The following SLC35F5 variants were observed in gnomAD, a reference collection of about 807,000 sequenced individuals.
SLC35F5 encodes the protein solute carrier family 35 member F5.
A neutral mutation model predicts 68.6 loss-of-function variants in SLC35F5; 54 were observed. The ratio of observed to expected loss-of-function variants is 0.79; its 90% confidence interval spans 0.63 to 0.99. The LOEUF is 0.99. Ranked by LOEUF, SLC35F5 falls within the 50% of genes least tolerant of loss-of-function variation. SLC35F5 has a pLI of 0.00. For missense variants in SLC35F5, 567 were observed against 626.9 expected (o/e 0.90, Z 1.02); for synonymous variants, 211 against 205.2 (o/e 1.03, Z -0.24).
At chr2:113,725,251 A>C in intron 12 of SLC35F5, 127 bp downstream of exon 12, 1 of 792,256 alleles carries the variant, frequency 1.3e-6, no homozygotes. Flanking sequence ...GAGTTAAAGT[A>C]TTCAGTTGTA....
chr2:113,755,840 C>G, intron 1 of SLC35F5: 1 of 1,548,830 alleles, frequency 6.5e-7, no homozygotes, highest in Non-Finnish European at 8.7e-7. Flanking sequence ...TTCACAAATA[C>G]GGAACTCCAT....
In SLC35F5 at chr2:113,708,919, G is replaced by A. The variant is rs939847966; in HGVS notation, c.*6299C>T. Among the ~76,000 whole-genome samples the A allele has an allele frequency of 6.6e-6, 1 of 152,170 alleles. No homozygotes were observed. Among genetic ancestry groups the A allele is most frequent in the Non-Finnish European group, 1.5e-5 (1 of 68,026 alleles). ...GGGACTAATAAGGCCAGCAACTCAGGGAAATTAGCCTATTCATCTGATATA... is the reference window on the plus strand; with the variant it reads ...GGGACTAATAAGGCCAGCAACTCAGAGAAATTAGCCTATTCATCTGATATA... On this transcript the variant is annotated 3_prime_UTR_variant, in exon 16 of 16. Transcript: ENST00000245680.
intron 11 of SLC35F5, 174 bp from the exon 12 acceptor site, chr2:113,725,711 A>G (rs1041950743): frequency 1.2e-5 from 6 of 491,292 alleles, no homozygotes; most frequent in African/African-American, 6.1e-5. Context: ...AACGCCATAG[A>G]AAAAAAAACT....
intron 7 of SLC35F5, chr2:113,742,419 G>C: frequency 2.1e-6 from 1 of 483,336 alleles, no homozygotes; most frequent in Non-Finnish European, 3.6e-6. Context: ...GCTAAATTCT[G>C]AAGAACTTCC....
chr2:113,730,981 T>C (rs1280396069), intron 10 of SLC35F5, among the ~76,000 whole-genome samples: 1 of 152,166 alleles, frequency 6.6e-6, no homozygotes, highest in Non-Finnish European at 1.5e-5. Context: ...CACCTTAAAA[T>C]TAACATTACC....
At chr2:113,729,269 T>C in intron 11 of SLC35F5, 132 bp downstream of exon 11, 1 of 551,906 alleles carries the variant, frequency 1.8e-6, no homozygotes, top group Non-Finnish European at 3.2e-6. Flanking sequence ...CTGGCCTTCA[T>C]AATCTTTAAA....
In SLC35F5 at chr2:113,750,735, C is replaced by T. The variant is rs113412800; in HGVS notation, c.274-167G>A. On this transcript the variant is annotated intron_variant, in intron 3 of 15. Transcript: ENST00000245680. Reference sequence around the variant, plus strand: ...TTAGATCCATTTCTGAAGACTGTATCGGCCTTGCACACAGAAGGGCACCAC... The same window carrying T: ...TTAGATCCATTTCTGAAGACTGTATTGGCCTTGCACACAGAAGGGCACCAC... 1.6e-3 allele frequency among the ~76,000 whole-genome samples: 243 copies of T among 152,328 alleles called. 1 individual carries two copies. Among genetic ancestry groups the T allele is most frequent in the African/African-American group, 5.6e-3 (231 of 41,570 alleles).
intron 11 of SLC35F5, among the ~76,000 whole-genome samples, chr2:113,726,290 A>G (rs1025348858): frequency 2.0e-5 from 3 of 152,192 alleles, no homozygotes; most frequent in African/African-American, 7.2e-5. Context: ...AAAATATAGC[A>G]TAGTATCTGG....
intron 10 of SLC35F5, among the ~76,000 whole-genome samples, chr2:113,730,748 T>A (rs1217271436): frequency 6.6e-6 from 1 of 152,208 alleles, no homozygotes; most frequent in African/African-American, 2.4e-5. Flanking sequence ...TAGGTTCTGA[T>A]TACTTTTGTT....
intron 7 of SLC35F5, among the ~76,000 whole-genome samples, chr2:113,738,893 T>G (rs2104454168): frequency 6.6e-6 from 1 of 152,274 alleles, no homozygotes; most frequent in Admixed American, 6.5e-5. Context: ...TCAATAATTT[T>G]TACATCAATA....
In SLC35F5 at chr2:113,741,190, A is replaced by G. The variant is rs182827694; in HGVS notation, c.750+1502T>C. On this transcript the variant is annotated intron_variant, in intron 7 of 15. Coordinates refer to ENST00000245680, the MANE Select transcript of SLC35F5 (RefSeq NM_025181.5). Reference sequence around the variant, plus strand: ...AAATAAACCAGTCTCAAAAAGACAAATGCTGTATGATTCCACTCAACATGA... The same window carrying G: ...AAATAAACCAGTCTCAAAAAGACAAGTGCTGTATGATTCCACTCAACATGA... Among the ~76,000 whole-genome samples, 193 of 152,246 alleles carry G rather than the reference A, an allele frequency of 1.3e-3. 1 individual carries two copies. The highest frequency in any genetic ancestry group is 0.013 in the Admixed American group (192 of 15,290).
At chr2:113,735,644 G>A (rs10172842) in intron 8 of SLC35F5, 133 bp downstream of exon 8, 395,751 of 553,526 alleles carry the variant, frequency 0.71, 144,827 homozygotes, top group Middle Eastern at 0.77. Context: ...AAAGGCAGTT[G>A]TAATAGACTA....
intron 7 of SLC35F5, among the ~76,000 whole-genome samples, chr2:113,736,388 T>G (rs1574245729): frequency 6.6e-6 from 1 of 151,122 alleles, no homozygotes; most frequent in Non-Finnish European, 1.5e-5. Flanking sequence ...GAGGCTGCAG[T>G]GAGGCATAAC....
At chr2:113,744,456 T>C (rs1158000465) in intron 5 of SLC35F5, among the ~76,000 whole-genome samples, 1 of 152,150 alleles carries the variant, frequency 6.6e-6, no homozygotes, top group Non-Finnish European at 1.5e-5. Context: ...ACAATAATTT[T>C]ATAGAATATG....
chr2:113,755,889 C>T, intron 1 of SLC35F5: 1 of 1,550,610 alleles, frequency 6.4e-7, no homozygotes. Flanking sequence ...CTGGGGACAG[C>T]GTCTAGACAC....
intron 3 of SLC35F5, among the ~76,000 whole-genome samples, chr2:113,753,457 G>A (rs559532459): frequency 1.3e-5 from 2 of 152,042 alleles, no homozygotes; most frequent in East Asian, 1.9e-4. Context: ...GATTTCAGGC[G>A]TGAGCCACTG....
At chr2:113,749,087 C>T (rs567045864) in intron 4 of SLC35F5, among the ~76,000 whole-genome samples, 16 of 152,336 alleles carry the variant, frequency 1.1e-4, no homozygotes, top group African/African-American at 3.1e-4. Context: ...GAGGCATGAG[C>T]CACTATGGCC....
chr2:113,711,757 T>C lies in SLC35F5; in HGVS notation c.*3461A>G, dbSNP rs563195920. ...TGTTAACTCCTCCTAAAATATTATTTAGTAATAAAGAATATTTCAAAAGGA... is the reference window on the plus strand; with the variant it reads ...TGTTAACTCCTCCTAAAATATTATTCAGTAATAAAGAATATTTCAAAAGGA... On this transcript the variant is annotated 3_prime_UTR_variant, in exon 16 of 16. Transcript: ENST00000245680. Among the ~76,000 whole-genome samples the C allele has an allele frequency of 6.6e-6, 1 of 151,860 alleles. No individual in the cohort carries two copies. The highest frequency in any genetic ancestry group is 2.4e-5 in the African/African-American group (1 of 41,400).
intron 13 of SLC35F5, among the ~76,000 whole-genome samples, chr2:113,721,625 C>T (rs1214545502): frequency 1.3e-5 from 2 of 152,004 alleles, no homozygotes; most frequent in Admixed American, 6.6e-5. Flanking sequence ...AGATGATTTA[C>T]ACAGTAGTCT....
Sources: allele counts gnomAD v4.1 joint callset (sites outside exome capture counted in the v4.1 genomes callset), GRCh38; gene constraint gnomAD v4.1.1; transcripts MANE v1.5; gene names NCBI Gene and HGNC (gene_info 2026-07-23, HGNC 2026-07-21).